HSDL1: variants seen among roughly 807,000 people sequenced by gnomAD.
HSDL1 encodes inactive hydroxysteroid dehydrogenase-like protein 1.
HSDL1 carries 29 observed loss-of-function variants against 31.5 expected under a neutral mutation model. That is an observed-to-expected ratio of 0.92 (90% CI 0.69 to 1.26). The LOEUF (loss-of-function observed/expected upper bound fraction) is 1.26. Among genes scored for constraint, HSDL1 ranks in the 50% most tolerant of loss-of-function variants. The pLI, the probability that HSDL1 is intolerant of heterozygous loss-of-function variation, is 0.00. For synonymous variants in HSDL1, 222 were observed against 155.2 expected, an observed-to-expected ratio of 1.43 and a Z score of -3.20; for missense variants, 503 against 416.6, an observed-to-expected ratio of 1.21 and a Z score of -1.81.
At position 84,142,682 on chromosome 16, in the gene HSDL1, G is replaced by T. The variant is rs148059951; in HGVS notation, c.-69+2398C>A. Among the ~76,000 whole-genome samples the T allele has an allele frequency of 7.7e-3, 1,162 of 151,800 alleles. 13 individuals are homozygous for T. The highest frequency in any genetic ancestry group is 0.027 in the African/African-American group (1,100 of 41,352). On this transcript the variant is annotated intron_variant, in intron 1 of 5. Transcript: ENST00000219439. ...GCTGGTCTTGAACTCCTGACCTTGTGATCCGCCCACTTTGGCCTCCCAAAG... is the reference window on the plus strand; with the variant it reads ...GCTGGTCTTGAACTCCTGACCTTGTTATCCGCCCACTTTGGCCTCCCAAAG...
chr16:84,135,107 C>T (rs1012623163), intron 2 of HSDL1, among the ~76,000 whole-genome samples: 2 of 152,082 alleles, frequency 1.3e-5, no homozygotes, highest in Non-Finnish European at 2.9e-5. Flanking sequence ...GTGGCGGGCA[C>T]CTGTAGTCCC....
At chr16:84,126,120 C>T (rs1046161889) in intron 5 of HSDL1, among the ~76,000 whole-genome samples, 1 of 144,058 alleles carries the variant, frequency 6.9e-6, no homozygotes, top group Non-Finnish European at 1.5e-5. Context: ...AAAAAAAAAA[C>T]ACCACAAAAT....
At chr16:84,132,099 C>A (rs113684725) in intron 2 of HSDL1, among the ~76,000 whole-genome samples, 1 of 152,258 alleles carries the variant, frequency 6.6e-6, no homozygotes, top group South Asian at 2.1e-4. Context: ...AATTCAGGTA[C>A]TACACTACAT....
intron 2 of HSDL1, among the ~76,000 whole-genome samples, chr16:84,133,154 G>A (rs1180941136): frequency 2.0e-5 from 3 of 151,818 alleles, no homozygotes; most frequent in Non-Finnish European, 4.4e-5. Context: ...ATGAACCACT[G>A]AAACGGAACA....
In HSDL1 at chr16:84,130,352, G is replaced by A. The variant is rs768241420; in HGVS notation, c.300C>T (p.Asn100=). 39 of 1,613,984 alleles carry A rather than the reference G, an allele frequency of 2.4e-5. No homozygotes were observed. Among genetic ancestry groups the A allele is most frequent in the African/African-American group, 4.0e-5 (3 of 74,914 alleles). The change falls in exon 4 of 6, where the codon AAC becomes AAT. Residue 100 remains asparagine (N), a synonymous_variant. Coordinates refer to ENST00000219439, the MANE Select transcript of HSDL1 (RefSeq NM_031463.5). ...RGLNIILISR[N]EEKLQVVAKD... is the part of the protein sequence containing the mutation. ...TAGCAACAACCTGCAACTTCTCCTC[G>A]TTCCGACTAATCAGGATTATATTGA...
At chr16:84,130,860 T>G (rs557339962) in intron 3 of HSDL1, 1 of 473,202 alleles carries the variant, frequency 2.1e-6, no homozygotes, top group African/African-American at 2.0e-5. Context: ...TAGTAGGAAG[T>G]GGGTCTGGAG....
At chr16:84,129,333 T>C (rs934571171) in intron 5 of HSDL1, among the ~76,000 whole-genome samples, 3 of 151,688 alleles carry the variant, frequency 2.0e-5, no homozygotes, top group African/African-American at 7.3e-5. Context: ...TGAGCTGAGA[T>C]CGCACCACTG....
At chr16:84,138,142 T>G (rs1038059375) in intron 1 of HSDL1, among the ~76,000 whole-genome samples, 3 of 152,218 alleles carry the variant, frequency 2.0e-5, no homozygotes, top group Admixed American at 6.5e-5. Flanking sequence ...GTTCATGGTA[T>G]TTTGTTATAG....
At chr16:84,131,354 C>T (rs776104156) in intron 2 of HSDL1, 27 bp from the exon 3 acceptor site, 14 of 1,463,576 alleles carry the variant, frequency 9.6e-6, no homozygotes, top group Non-Finnish European at 1.3e-5. Context: ...AGAGAGAGAG[C>T]CTCTTTGATT....
intron 1 of HSDL1, among the ~76,000 whole-genome samples, chr16:84,139,863 C>T (rs1243477682): frequency 3.3e-5 from 5 of 151,788 alleles, no homozygotes; most frequent in Non-Finnish European, 7.3e-5. Context: ...AGTAAGGCTC[C>T]AGGGCGATGG....
chr16:84,130,839 G>A, intron 3 of HSDL1: 1 of 432,030 alleles, frequency 2.3e-6, no homozygotes, highest in Non-Finnish European at 4.1e-6. Flanking sequence ...AGAACAAAAA[G>A]GAAAAGCACA....
intron 3 of HSDL1, among the ~76,000 whole-genome samples, chr16:84,130,691 T>A (rs538743034): frequency 6.6e-6 from 1 of 152,328 alleles, no homozygotes; most frequent in African/African-American, 2.4e-5. Context: ...ACAGTAGGAA[T>A]TTGTTTTCAA....
At position 84,131,327 on chromosome 16, in the gene HSDL1, C is replaced by T. The variant is rs1946876992; in HGVS notation, c.-6G>A. 1 of 1,606,062 alleles carries T rather than the reference C, an allele frequency of 6.2e-7. No individual in the cohort carries two copies. Among genetic ancestry groups the T allele is most frequent in the Non-Finnish European group, 8.5e-7 (1 of 1,173,120 alleles). On this transcript the variant is annotated splice_region_variant and 5_prime_UTR_variant, in exon 3 of 6. Coordinates refer to ENST00000219439, the MANE Select transcript of HSDL1 (RefSeq NM_031463.5). ...AAACTGTCAACAGCAGCCATGGCAA[C>T]CTGCAGGGAGAGGGAAAGAGAGAGA...
intron 1 of HSDL1, among the ~76,000 whole-genome samples, chr16:84,136,782 G>A (rs772058238): frequency 1.3e-5 from 2 of 152,236 alleles, no homozygotes; most frequent in Non-Finnish European, 2.9e-5. Context: ...TTGTTGCTAT[G>A]TATATTTTAA....
chr16:84,137,468 G>A (rs1052092261), intron 1 of HSDL1, among the ~76,000 whole-genome samples: 1 of 152,218 alleles, frequency 6.6e-6, no homozygotes, highest in Non-Finnish European at 1.5e-5. Context: ...TGAGCACCAA[G>A]GGAGGGAGCT....
chr16:84,125,720 G>T (rs28414744), intron 5 of HSDL1, among the ~76,000 whole-genome samples: 48,876 of 152,152 alleles, frequency 0.32, 7,999 homozygotes, highest in Non-Finnish European at 0.36. Context: ...CCACCTACCC[G>T]ACTTTCTGTA....
At chr16:84,139,001 G>T (rs1225589656) in intron 1 of HSDL1, among the ~76,000 whole-genome samples, 1 of 152,240 alleles carries the variant, frequency 6.6e-6, no homozygotes. Flanking sequence ...TGGGAGGAAA[G>T]TCTTGGCTGA....
intron 1 of HSDL1, among the ~76,000 whole-genome samples, chr16:84,136,337 C>T (rs1327710682): frequency 2.0e-5 from 3 of 152,250 alleles, no homozygotes; most frequent in Non-Finnish European, 4.4e-5. Flanking sequence ...ACACACACTG[C>T]ATTGCAACTG....
intron 2 of HSDL1, among the ~76,000 whole-genome samples, 168 bp downstream of exon 2, chr16:84,135,376 C>T (rs1358255277): frequency 2.0e-5 from 3 of 152,176 alleles, no homozygotes; most frequent in Non-Finnish European, 2.9e-5. Flanking sequence ...AAAAGGAGGT[C>T]AGGCATGCCT....
Sources: gnomAD v4.1 joint callset for allele counts (sites outside exome capture counted in the v4.1 genomes callset) on GRCh38, gnomAD v4.1.1 for gene constraint, MANE v1.5 for transcripts, NCBI Gene and HGNC (gene_info 2026-07-23, HGNC 2026-07-21) for gene names.